GAS2: variants seen among roughly 807,000 people sequenced by gnomAD.
GAS2 encodes the protein growth arrest specific 2.
In GAS2, 20 loss-of-function variants were observed where a neutral mutation model predicts 37.5. That is an observed-to-expected ratio of 0.53 (90% CI 0.37 to 0.77). The LOEUF (loss-of-function observed/expected upper bound fraction) is 0.77. GAS2 is among the 30% of genes least tolerant of loss of function. The probability of loss-of-function intolerance (pLI) is 0.00; values close to 1 mark genes in which losing one functional copy is unlikely to be tolerated. For synonymous variants in GAS2, 144 were observed against 132.2 expected (o/e 1.09, Z -0.61); for missense variants, 336 against 373.4 (o/e 0.90, Z 0.82).
chr11:22,691,819 T>A (rs7105200), intron 3 of GAS2, among the ~76,000 whole-genome samples: 5,506 of 152,294 alleles, frequency 0.036, 309 homozygotes, highest in African/African-American at 0.12. Context: ...CTAATTTTTT[T>A]ATTTACTTTG....
chr11:22,737,822 C>CTTCTGTGTTGCTTGG, intron 5 of GAS2, 54 bp downstream of exon 5: 2 of 1,499,890 alleles, frequency 1.3e-6, no homozygotes, highest in Non-Finnish European at 1.9e-6. Context: ...AGCATCCAAG[C>CTTCTGTGTTGCTTGG]AACACAGAAG....
intron 6 of GAS2, among the ~76,000 whole-genome samples, chr11:22,749,733 T>C (rs1334113994): frequency 1.3e-5 from 2 of 151,990 alleles, no homozygotes; most frequent in Non-Finnish European, 2.9e-5. Context: ...AACATAGAAA[T>C]TGAGTAACCT....
chr11:22,794,973 T>G (rs1463694082), intron 7 of GAS2, among the ~76,000 whole-genome samples: 1 of 152,156 alleles, frequency 6.6e-6, no homozygotes, highest in Non-Finnish European at 1.5e-5. Context: ...AATCAGTAAT[T>G]CATTCATCCA....
chr11:22,651,694 C>G (rs1848777883), intron 1 of GAS2, among the ~76,000 whole-genome samples: 1 of 152,206 alleles, frequency 6.6e-6, no homozygotes, highest in Admixed American at 6.5e-5. Flanking sequence ...GATACCCTTT[C>G]TTCCAGTTGA....
rs140302271 is a variant in GAS2 at position 22,630,845 on chromosome 11, T to C, written c.-21+5032T>C. Among the ~76,000 whole-genome samples, 97 of 152,312 alleles carry C rather than the reference T, an allele frequency of 6.4e-4. 1 individual carries two copies. Among genetic ancestry groups the C allele is most frequent in the African/African-American group, 2.3e-3 (94 of 41,554 alleles). On this transcript the variant is annotated intron_variant, in intron 1 of 5. Transcript: ENST00000528582. ...CTTTGGCTGTTTTTTTGGTTCCATA[T>C]GAATTTTATGATTGCTTGTTCTAAT...
At chr11:22,728,003 G>A (rs1852295215) in intron 4 of GAS2, among the ~76,000 whole-genome samples, 1 of 151,924 alleles carries the variant, frequency 6.6e-6, no homozygotes, top group Non-Finnish European at 1.5e-5. Flanking sequence ...ATGTGTGGAC[G>A]ATTAACATCA....
At chr11:22,746,902 A>T (rs1485496645) in intron 5 of GAS2, among the ~76,000 whole-genome samples, 3 of 152,190 alleles carry the variant, frequency 2.0e-5, no homozygotes, top group Admixed American at 6.5e-5. Flanking sequence ...TCAATGGAAC[A>T]GTTAGTTCAA....
intron 7 of GAS2, among the ~76,000 whole-genome samples, chr11:22,767,082 G>A (rs1399414353): frequency 6.6e-6 from 1 of 152,006 alleles, no homozygotes; most frequent in Non-Finnish European, 1.5e-5. Context: ...TTTCTTGATA[G>A]CAGTACGGAT....
chr11:22,796,768 A>G (rs1856447531), intron 7 of GAS2, among the ~76,000 whole-genome samples: 1 of 152,062 alleles, frequency 6.6e-6, no homozygotes, highest in Admixed American at 6.6e-5. Flanking sequence ...CCCAGTGCTT[A>G]CTTATTCTAG....
chr11:22,715,277 T>C (rs1212870896), intron 3 of GAS2, among the ~76,000 whole-genome samples: 2 of 151,280 alleles, frequency 1.3e-5, no homozygotes, highest in Non-Finnish European at 2.9e-5. Flanking sequence ...ATGAACAACA[T>C]TTTGAAACCC....
rs1855855036 is a variant in GAS2, at chr11:22,787,152, A to G, written c.724-24646A>G. Among the ~76,000 whole-genome samples, 5 of 152,148 alleles carry G rather than the reference A, an allele frequency of 3.3e-5. No homozygotes were observed. In the South Asian group the frequency reaches 1.0e-3, roughly 31 times the overall value. The stretch of plus-strand genomic sequence containing the variant: ...GTGAGAGAGAATAGATACTAATGAA[A>G]CAAGATTCCTGCTCTCAAAAAGCTC... On this transcript the variant is annotated intron_variant, in intron 7 of 7. Coordinates refer to ENST00000454584, the MANE Select transcript of GAS2 (RefSeq NM_001143830.3).
At chr11:22,672,368 A>G (rs1849239595) in intron 1 of GAS2, among the ~76,000 whole-genome samples, 1 of 152,196 alleles carries the variant, frequency 6.6e-6, no homozygotes, top group African/African-American at 2.4e-5. Context: ...GCCACTGTCA[A>G]AGAAAATAAA....
At chr11:22,630,970 C>T (rs1565058287) in intron 1 of GAS2, among the ~76,000 whole-genome samples, 1 of 152,156 alleles carries the variant, frequency 6.6e-6, no homozygotes, top group Non-Finnish European at 1.5e-5. Context: ...TCTTCCAGGC[C>T]ATGAGCATGA....
intron 1 of GAS2, among the ~76,000 whole-genome samples, chr11:22,637,683 A>C (rs1858854730): frequency 7.2e-6 from 1 of 138,794 alleles, no homozygotes; most frequent in Non-Finnish European, 1.5e-5. Flanking sequence ...TTTATATTAT[A>C]TCAATAATAA....
intron 6 of GAS2, among the ~76,000 whole-genome samples, chr11:22,751,779 A>G (rs1275192478): frequency 1.3e-5 from 2 of 151,982 alleles, no homozygotes; most frequent in African/African-American, 2.4e-5. Context: ...TGATAGGAAA[A>G]CTATGAAAAG....
At chr11:22,737,827 CAGA>C in intron 5 of GAS2, 59 bp downstream of exon 5, 1 of 1,453,008 alleles carries the variant, frequency 6.9e-7, no homozygotes, top group Non-Finnish European at 9.7e-7. Context: ...CCAAGCAACA[CAGA>C]AGCTTGCTGG....
chr11:22,683,330 A>G (rs1162337142), intron 2 of GAS2, among the ~76,000 whole-genome samples: 1 of 152,156 alleles, frequency 6.6e-6, no homozygotes, highest in Non-Finnish European at 1.5e-5. Context: ...CAGTGGTGTG[A>G]TATCTGCTCA....
intron 7 of GAS2, among the ~76,000 whole-genome samples, chr11:22,775,816 G>T (rs1855229422): frequency 6.6e-6 from 1 of 152,150 alleles, no homozygotes; most frequent in Non-Finnish European, 1.5e-5. Context: ...CAGATTCTCA[G>T]TTCCAGGTCT....
chr11:22,630,258 T>C (rs1022963836), intron 1 of GAS2, among the ~76,000 whole-genome samples: 3 of 152,180 alleles, frequency 2.0e-5, no homozygotes, highest in Non-Finnish European at 2.9e-5. Flanking sequence ...CCAAGTGTTC[T>C]CATTGTTCAG....
Sources: allele counts gnomAD v4.1 joint callset (sites outside exome capture counted in the v4.1 genomes callset), GRCh38; gene constraint gnomAD v4.1.1; transcripts MANE v1.5; gene names NCBI Gene and HGNC (gene_info 2026-07-23, HGNC 2026-07-21).